The following GPC6 variants were observed in gnomAD, a reference collection of about 807,000 sequenced individuals.
GPC6 encodes glypican-6.
Under a neutral mutation model 55.2 loss-of-function variants are expected in GPC6, and 14 were observed. The observed-to-expected ratio is 0.25, with a 90% CI of 0.17 to 0.40. The LOEUF is 0.40. Among genes scored for constraint, GPC6 ranks in the 10% least tolerant of loss-of-function variants. The pLI is 1.00. For missense variants in GPC6, 641 were observed against 708.5 expected, an observed-to-expected ratio of 0.90 and a Z score of 1.08; for synonymous variants, 278 against 259.6, an observed-to-expected ratio of 1.07 and a Z score of -0.68.
At chr13:93,631,158 GA>G (rs1219766850) in intron 2 of GPC6, among the ~76,000 whole-genome samples, 1 of 151,922 alleles carries the variant, frequency 6.6e-6, no homozygotes, top group Non-Finnish European at 1.5e-5. Context: ...TTTACTGGGT[GA>G]AAAGGAAAAA....
intron 1 of GPC6, among the ~76,000 whole-genome samples, chr13:93,391,088 G>T (rs1875614391): frequency 6.6e-6 from 1 of 151,976 alleles, no homozygotes; most frequent in Non-Finnish European, 1.5e-5. Context: ...CACCAAGTTT[G>T]TTATAATGAT....
intron 4 of GPC6, among the ~76,000 whole-genome samples, chr13:94,231,788 A>C (rs577395275): frequency 1.2e-4 from 19 of 152,320 alleles, no homozygotes; most frequent in African/African-American, 4.6e-4. Context: ...TTATTTAATA[A>C]AATAAAATAA....
intron 1 of GPC6, among the ~76,000 whole-genome samples, chr13:93,238,924 A>G (rs941421791): frequency 4.6e-5 from 7 of 152,052 alleles, no homozygotes; most frequent in Admixed American, 2.6e-4. Flanking sequence ...CCATCCTTGC[A>G]TTCCTGAAAT....
chr13:94,086,482 A>T (rs1338277337), intron 4 of GPC6, among the ~76,000 whole-genome samples: 6 of 152,180 alleles, frequency 3.9e-5, no homozygotes, highest in Admixed American at 3.9e-4. Flanking sequence ...ATGACTAAAA[A>T]AAAAAAAATC....
Position 93,458,421 on chromosome 13 carries a change from A to G in GPC6, c.161-86842A>G, listed in dbSNP as rs185667205. ...TTCTTACCTTCCCTGCACTTTATGA[A>G]ACATCCTCCTCCCTACCCCCCCATA... is the stretch of plus-strand genomic sequence containing the variant. On this transcript the variant is annotated intron_variant, in intron 1 of 8. Coordinates refer to ENST00000377047, the MANE Select transcript of GPC6 (RefSeq NM_005708.5). Among the ~76,000 whole-genome samples, 153 of 152,136 alleles carry G rather than the reference A, an allele frequency of 1.0e-3. No individual in the cohort carries two copies. In the Middle Eastern group the frequency reaches 0.01, roughly 10 times the overall value.
At chr13:93,613,570 A>T (rs1166680425) in intron 2 of GPC6, among the ~76,000 whole-genome samples, 1 of 149,668 alleles carries the variant, frequency 6.7e-6, no homozygotes, top group African/African-American at 2.5e-5. Context: ...CACATTCAGA[A>T]GTGTGGAGGT....
At chr13:93,218,037 A>G in the GPC6 span, among the ~76,000 whole-genome samples, 1 of 151,762 alleles carries the variant, frequency 6.6e-6, no homozygotes, top group African/African-American at 2.4e-5. Context: ...GCCTGTTTCT[A>G]TGCTTGCTTG....
At chr13:93,317,665 C>T (rs1262394752) in intron 1 of GPC6, among the ~76,000 whole-genome samples, 1 of 152,122 alleles carries the variant, frequency 6.6e-6, no homozygotes, top group East Asian at 1.9e-4. Flanking sequence ...CCTACATTTA[C>T]TTTTTTATCA....
chr13:94,156,203 C>A (rs758020465), intron 4 of GPC6, among the ~76,000 whole-genome samples: 1 of 151,992 alleles, frequency 6.6e-6, no homozygotes, highest in Non-Finnish European at 1.5e-5. Context: ...TAAGGAGAAA[C>A]CTGGCAAGTC....
At position 93,897,997 on chromosome 13, in the gene GPC6, A is replaced by T. The variant is rs58070530; in HGVS notation, c.711+67452A>T. On this transcript the variant is annotated intron_variant, in intron 3 of 8. Coordinates refer to ENST00000377047, the MANE Select transcript of GPC6 (RefSeq NM_005708.5). ...TGTGAGGAATACAAGAAGCATAAAC[A>T]GCAAGATGGCAGCTGGGGGAGGTTT... Among the ~76,000 whole-genome samples the T allele has an allele frequency of 3.5e-3, 540 of 152,294 alleles. 3 individuals carry two copies. Among genetic ancestry groups the T allele is most frequent in the African/African-American group, 0.012 (509 of 41,584 alleles).
intron 3 of GPC6, among the ~76,000 whole-genome samples, chr13:93,922,132 G>A (rs757845356): frequency 2.0e-5 from 3 of 152,126 alleles, no homozygotes; most frequent in African/African-American, 4.8e-5. Context: ...TAGTGAAAAG[G>A]TGTGGGAAAG....
intron 1 of GPC6, among the ~76,000 whole-genome samples, chr13:93,337,512 AAG>A (rs1170158457): frequency 3.4e-4 from 52 of 152,186 alleles, no homozygotes; most frequent in Non-Finnish European, 6.5e-4. Flanking sequence ...GTAAAAAAAA[AAG>A]AAAAAAATCA....
rs1882873936 is a variant in GPC6 at position 94,025,797 on chromosome 13, T to C, written c.712-1932T>C. Among the ~76,000 whole-genome samples the C allele has an allele frequency of 2.6e-5, 4 of 152,222 alleles. No homozygotes were observed. In the South Asian group the frequency reaches 8.3e-4, roughly 31 times the overall value. ...TTATAAAGAAAGGCCAATTATATTT[T>C]ACTTCATTTATTTGACTTACAGTAT... On this transcript the variant is annotated intron_variant, in intron 3 of 8. Transcript: ENST00000377047.
upstream of GPC6, among the ~76,000 whole-genome samples, chr13:93,225,486 G>GTT: frequency 6.6e-6 from 1 of 151,548 alleles, no homozygotes; most frequent in South Asian, 2.1e-4. Context: ...TAGCTATGGA[G>GTT]TTTTTTTTTT....
intron 4 of GPC6, among the ~76,000 whole-genome samples, chr13:94,101,708 A>G (rs1369031767): frequency 6.6e-6 from 1 of 152,092 alleles, no homozygotes; most frequent in Non-Finnish European, 1.5e-5. Flanking sequence ...CAATAATAAA[A>G]GGTGGATCCT....
chr13:93,771,087 T>C (rs1297785491), intron 2 of GPC6, among the ~76,000 whole-genome samples: 1 of 152,152 alleles, frequency 6.6e-6, no homozygotes, highest in Non-Finnish European at 1.5e-5. Flanking sequence ...CCAAACATAT[T>C]GATAACACAT....
chr13:93,596,789 C>T (rs1045330839), intron 2 of GPC6, among the ~76,000 whole-genome samples: 7 of 147,332 alleles, frequency 4.8e-5, no homozygotes, highest in Non-Finnish European at 7.4e-5. Flanking sequence ...TACACAGGTA[C>T]ATACATATAG....
At chr13:94,347,110 G>A (rs553425928) in intron 6 of GPC6, among the ~76,000 whole-genome samples, 2 of 152,142 alleles carry the variant, frequency 1.3e-5, no homozygotes, top group African/African-American at 4.8e-5. Context: ...CAAGGAACTG[G>A]GGGTGATGTT....
At chr13:93,453,185 A>C (rs910140629) in intron 1 of GPC6, among the ~76,000 whole-genome samples, 3 of 152,214 alleles carry the variant, frequency 2.0e-5, no homozygotes, top group African/African-American at 7.2e-5. Flanking sequence ...TCGAAGACCC[A>C]AGTCATTCCT....
Sources: gnomAD v4.1 joint callset for allele counts (sites outside exome capture counted in the v4.1 genomes callset) on GRCh38, gnomAD v4.1.1 for gene constraint, MANE v1.5 for transcripts, NCBI Gene and HGNC (gene_info 2026-07-23, HGNC 2026-07-21) for gene names.